KCNH1: variants seen among roughly 807,000 people sequenced by gnomAD.
KCNH1 encodes the protein potassium voltage-gated channel subfamily H member 1.
A neutral mutation model predicts 69.2 loss-of-function variants in KCNH1; 27 were observed. The ratio of observed to expected loss-of-function variants is 0.39; its 90% confidence interval spans 0.29 to 0.54. KCNH1 has a LOEUF of 0.54. KCNH1 is among the 20% of genes least tolerant of loss of function. The pLI, the probability that KCNH1 is intolerant of heterozygous loss-of-function variation, is 0.68. For synonymous variants in KCNH1, 456 were observed against 487.7 expected, an observed-to-expected ratio of 0.93 and a Z score of 0.86; for missense variants, 798 against 1,261.6, an observed-to-expected ratio of 0.63 and a Z score of 5.57.
chr1:211,107,118 G>A, intron 2 of KCNH1, 136 bp downstream of exon 2: 2 of 897,524 alleles, frequency 2.2e-6, no homozygotes, highest in Non-Finnish European at 3.5e-6. Flanking sequence ...ATGAACTAGA[G>A]ATGATATGGC....
intron 6 of KCNH1, among the ~76,000 whole-genome samples, chr1:211,016,741 T>C (rs1285436101): frequency 2.6e-5 from 4 of 151,518 alleles, no homozygotes; most frequent in African/African-American, 9.7e-5. Context: ...AAACCCCGTC[T>C]CTACTAAAAA....
intron 7 of KCNH1, among the ~76,000 whole-genome samples, chr1:210,831,368 A>G (rs1338652788): frequency 2.0e-5 from 3 of 152,238 alleles, no homozygotes; most frequent in Admixed American, 2.0e-4. Flanking sequence ...TTTACTAGGC[A>G]TAATTTCATT....
At position 211,002,144 on chromosome 1, in the gene KCNH1, A is replaced by G. The variant is rs140776105; in HGVS notation, c.1032+16639T>C. On this transcript the variant is annotated intron_variant, in intron 6 of 10. Transcript: ENST00000271751. ...ACCTGCACGTTGTGCACATGTACAC[A>G]TATGTAACAAACCTGCACGTTGCGC... Among the ~76,000 whole-genome samples, 191 of 151,822 alleles carry G rather than the reference A, an allele frequency of 1.3e-3. 1 individual carries two copies. The highest frequency in any genetic ancestry group is 4.4e-3 in the African/African-American group (182 of 41,474).
intron 7 of KCNH1, among the ~76,000 whole-genome samples, chr1:210,900,415 C>G (rs1686970129): frequency 6.6e-6 from 1 of 152,152 alleles, no homozygotes; most frequent in South Asian, 2.1e-4. Flanking sequence ...CATCTTTGAA[C>G]TTTTGAATCT....
chr1:210,701,261 A>G (rs1681771611), intron 10 of KCNH1, among the ~76,000 whole-genome samples: 1 of 152,220 alleles, frequency 6.6e-6, no homozygotes, highest in African/African-American at 2.4e-5. Context: ...GGTAGGAGAC[A>G]GGGGTCTCTT....
chr1:211,008,050 T>C (rs1310544781), intron 6 of KCNH1, among the ~76,000 whole-genome samples: 1 of 152,188 alleles, frequency 6.6e-6, no homozygotes, highest in Non-Finnish European at 1.5e-5. Flanking sequence ...TACTTCTATA[T>C]ATATATACCC....
At chr1:210,992,410 C>G (rs12070402) in intron 6 of KCNH1, among the ~76,000 whole-genome samples, 19 of 151,934 alleles carry the variant, frequency 1.3e-4, no homozygotes, top group African/African-American at 4.4e-4. Context: ...AAATTATATT[C>G]CCTCTAAAAT....
intron 2 of KCNH1, among the ~76,000 whole-genome samples, chr1:211,106,708 C>T (rs1249413804): frequency 4.0e-5 from 6 of 151,612 alleles, no homozygotes; most frequent in African/African-American, 1.5e-4. Context: ...ATCAGGAGAA[C>T]TGCTTGAACC....
intron 10 of KCNH1, among the ~76,000 whole-genome samples, chr1:210,761,907 T>A (rs1041928393): frequency 8.5e-5 from 13 of 152,120 alleles, no homozygotes; most frequent in African/African-American, 2.9e-4. Context: ...TTAATAGACA[T>A]CTACAGAATA....
At chr1:210,744,193 G>A (rs986034839) in intron 10 of KCNH1, among the ~76,000 whole-genome samples, 8 of 152,222 alleles carry the variant, frequency 5.3e-5, no homozygotes, top group Admixed American at 2.0e-4. Flanking sequence ...CAGCACCCCT[G>A]ATGAGATAAT....
At chr1:210,880,984 T>C (rs538862359) in intron 7 of KCNH1, among the ~76,000 whole-genome samples, 2 of 151,690 alleles carry the variant, frequency 1.3e-5, no homozygotes, top group African/African-American at 4.8e-5. Context: ...CCACATCATA[T>C]ACCATCAGGG....
chr1:210,993,823 T>A (rs1688975957), intron 6 of KCNH1, among the ~76,000 whole-genome samples: 1 of 152,128 alleles, frequency 6.6e-6, no homozygotes, highest in South Asian at 2.1e-4. Flanking sequence ...GGATCTCAAG[T>A]GAGAACAAGA....
At chr1:210,693,611 T>A (rs74452739) in intron 10 of KCNH1, among the ~76,000 whole-genome samples, 1,549 of 150,644 alleles carry the variant, frequency 0.01, 51 homozygotes, top group East Asian at 0.06. Flanking sequence ...GAAACAAATA[T>A]GAGCTGCAAA....
chr1:210,947,374 C>A (rs1303263045), intron 6 of KCNH1, among the ~76,000 whole-genome samples: 1 of 151,964 alleles, frequency 6.6e-6, no homozygotes, highest in Non-Finnish European at 1.5e-5. Context: ...TCGAGACCAT[C>A]CTGGTGAACA....
Position 211,035,884 on chromosome 1 carries a change from C to G in KCNH1, c.559-16628G>C, listed in dbSNP as rs367998817. ...CTATTCATATTCCTCAGAAAGATTTCCCTGAGACTGACCACCTTCCTCCTC... is the reference window on the plus strand; with the variant it reads ...CTATTCATATTCCTCAGAAAGATTTGCCTGAGACTGACCACCTTCCTCCTC... On this transcript the variant is annotated intron_variant, in intron 5 of 10. Coordinates refer to ENST00000271751, the MANE Select transcript of KCNH1 (RefSeq NM_172362.3). 3.9e-5 allele frequency among the ~76,000 whole-genome samples: 6 copies of G among 152,198 alleles called. No individual in the cohort carries two copies. In the East Asian group the frequency reaches 5.8e-4, roughly 15 times the overall value.
At chr1:211,110,979 G>A (rs1691449738) in intron 1 of KCNH1, among the ~76,000 whole-genome samples, 1 of 152,018 alleles carries the variant, frequency 6.6e-6, no homozygotes, top group African/African-American at 2.4e-5. Context: ...GGAGGGACAA[G>A]GCATAGAATG....
At chr1:210,866,656 T>C (rs1246971629) in intron 7 of KCNH1, among the ~76,000 whole-genome samples, 1 of 152,102 alleles carries the variant, frequency 6.6e-6, no homozygotes, top group Non-Finnish European at 1.5e-5. Flanking sequence ...GTTGGAAGAA[T>C]GTAAAGTGGT....
chr1:210,772,813 C>T (rs1683777700), intron 10 of KCNH1, among the ~76,000 whole-genome samples: 1 of 152,116 alleles, frequency 6.6e-6, no homozygotes, highest in South Asian at 2.1e-4. Flanking sequence ...CAAAATCTGT[C>T]TATAATTTTG....
chr1:210,984,093 G>A (rs1356630628), intron 6 of KCNH1, among the ~76,000 whole-genome samples: 2 of 152,150 alleles, frequency 1.3e-5, no homozygotes, highest in Non-Finnish European at 2.9e-5. Flanking sequence ...TGGTGTATAA[G>A]AATGCTTGTG....
Sources: allele counts gnomAD v4.1 joint callset (sites outside exome capture counted in the v4.1 genomes callset), GRCh38; gene constraint gnomAD v4.1.1; transcripts MANE v1.5; gene names NCBI Gene and HGNC (gene_info 2026-07-23, HGNC 2026-07-21).